The following TSPAN18 variants were observed in gnomAD, a reference collection of about 807,000 sequenced individuals.
The protein encoded by TSPAN18 is tetraspanin 18, also known as tetraspanin-18.
A neutral mutation model predicts 27.3 loss-of-function variants in TSPAN18; 14 were observed. That is an observed-to-expected ratio of 0.51 (90% CI 0.34 to 0.80). The LOEUF is 0.80. Ranked by LOEUF, TSPAN18 falls within the 30% of genes least tolerant of loss-of-function variation. The pLI is 0.01. For missense variants in TSPAN18, 268 were observed against 323.9 expected, an observed-to-expected ratio of 0.83 and a Z score of 1.32; for synonymous variants, 143 against 136.5, an observed-to-expected ratio of 1.05 and a Z score of -0.33.
At chr11:44,872,551 G>A (rs1858223832) in intron 3 of TSPAN18, among the ~76,000 whole-genome samples, 3 of 152,174 alleles carry the variant, frequency 2.0e-5, no homozygotes, top group African/African-American at 7.2e-5. Context: ...TTCCATCCTT[G>A]CTGCAAGTCT....
chr11:44,746,169 C>T (rs1215467826), intron 1 of TSPAN18, among the ~76,000 whole-genome samples: 2 of 152,164 alleles, frequency 1.3e-5, no homozygotes, highest in Non-Finnish European at 2.9e-5. Flanking sequence ...GCAGCAGCTG[C>T]CCCCCGTGGG....
intron 2 of TSPAN18, among the ~76,000 whole-genome samples, chr11:44,811,868 G>C (rs1856724486): frequency 6.6e-6 from 1 of 152,228 alleles, no homozygotes; most frequent in Admixed American, 6.5e-5. Flanking sequence ...GTGCTGACAA[G>C]TTCCTTAATG....
At chr11:44,897,437 G>A (rs969783900) in intron 3 of TSPAN18, among the ~76,000 whole-genome samples, 4 of 152,138 alleles carry the variant, frequency 2.6e-5, no homozygotes, top group African/African-American at 7.2e-5. Context: ...CTCCTCCCAG[G>A]CCATCAGCCT....
intron 2 of TSPAN18, among the ~76,000 whole-genome samples, chr11:44,798,461 G>C (rs1003699691): frequency 6.6e-6 from 1 of 152,194 alleles, no homozygotes; most frequent in Non-Finnish European, 1.5e-5. Context: ...TCACAGAAAA[G>C]CTCCAGTGCA....
chr11:44,856,179 A>C (rs561881476), intron 2 of TSPAN18, among the ~76,000 whole-genome samples: 1 of 152,194 alleles, frequency 6.6e-6, no homozygotes, highest in African/African-American at 2.4e-5. Context: ...CACCGTGCCC[A>C]GCCTTCTTGC....
chr11:44,770,030 G>A (rs1855655959), intron 2 of TSPAN18, among the ~76,000 whole-genome samples: 1 of 152,204 alleles, frequency 6.6e-6, no homozygotes, highest in Admixed American at 6.5e-5. Flanking sequence ...CCCTGAGTTG[G>A]CTTGAGGGCA....
chr11:44,842,073 C>G (rs1273295976), intron 2 of TSPAN18, among the ~76,000 whole-genome samples: 1 of 152,216 alleles, frequency 6.6e-6, no homozygotes, highest in Non-Finnish European at 1.5e-5. Flanking sequence ...CATAACACAT[C>G]AGGGCAAAAG....
chr11:44,794,978 G>A (rs1427800619), intron 2 of TSPAN18, among the ~76,000 whole-genome samples: 1 of 152,180 alleles, frequency 6.6e-6, no homozygotes, highest in African/African-American at 2.4e-5. Context: ...CAGCTTGGTT[G>A]AAGCATAAAG....
intron 3 of TSPAN18, among the ~76,000 whole-genome samples, chr11:44,863,834 T>G (rs1857961060): frequency 6.6e-6 from 1 of 152,188 alleles, no homozygotes; most frequent in African/African-American, 2.4e-5. Flanking sequence ...AAGGAAATAC[T>G]TGAATGACAG....
chr11:44,905,031 A>G (rs1859404316), intron 3 of TSPAN18, among the ~76,000 whole-genome samples: 1 of 152,168 alleles, frequency 6.6e-6, no homozygotes, highest in Non-Finnish European at 1.5e-5. Context: ...TGGATCCCCA[A>G]ACAGTGGCTA....
rs775870315 is a variant in TSPAN18 at position 44,920,050 on chromosome 11, G to A, written c.615+51G>A. 48 of 1,562,180 alleles carry A rather than the reference G, an allele frequency of 3.1e-5. No individual in the cohort carries two copies. In the South Asian group the frequency reaches 5.6e-4, roughly 18 times the overall value. The stretch of plus-strand genomic sequence containing the variant: ...GGAGTGGGTCTATCGGGATTTGGGT[G>A]GCCAGAGCTGGGTGGGAGGCGCTAT... On this transcript the variant is annotated intron_variant, in intron 8 of 9. Transcript: ENST00000520358.
At position 44,919,861 on chromosome 11, in the gene TSPAN18, A is replaced by C. The variant is rs146383863; in HGVS notation, c.477A>C (p.Ala159=). ...ACGGGCCTGAAGACTTTAAGTTTGC[A>C]TCTGTGTTTCGACTCCTGACCCTGG... ...GVNGPEDFKF[A]SVFRLLTLDS... The change falls in exon 8 of 10, where the codon GCA becomes GCC. Residue 159 remains alanine (A), a synonymous_variant. Transcript: ENST00000520358. 4.0e-4 allele frequency: 640 copies of C among 1,614,132 alleles called. No individual in the cohort carries two copies. The highest frequency in any genetic ancestry group is 9.7e-4 in the Admixed American group (58 of 60,020).
At chr11:44,864,438 C>T (rs1036703433) in intron 3 of TSPAN18, among the ~76,000 whole-genome samples, 1 of 152,150 alleles carries the variant, frequency 6.6e-6, no homozygotes, top group Admixed American at 6.6e-5. Flanking sequence ...GTGCCTGGGC[C>T]TCTGAGAGGC....
chr11:44,844,273 G>A (rs7949730), intron 2 of TSPAN18, among the ~76,000 whole-genome samples: 24,811 of 148,666 alleles, frequency 0.17, 2,595 homozygotes, highest in African/African-American at 0.3. Context: ...ACATTGGATC[G>A]TTTCCTTTTT....
Position 44,822,488 on chromosome 11 carries a change from G to T in TSPAN18, c.-152-37840G>T, listed in dbSNP as rs896585327. On this transcript the variant is annotated intron_variant, in intron 2 of 9. Coordinates refer to ENST00000520358, the MANE Select transcript of TSPAN18 (RefSeq NM_130783.5). ...ATGGAAGAAGGAAGGAGTAAAGAGG[G>T]CTCACTTATTTTCTCATCACATTCT... Among the ~76,000 whole-genome samples, 10 of 151,918 alleles carry T rather than the reference G, an allele frequency of 6.6e-5. No individual in the cohort carries two copies. In the South Asian group the frequency reaches 1.5e-3, roughly 22 times the overall value.
chr11:44,776,629 T>C (rs1855815232), intron 2 of TSPAN18, among the ~76,000 whole-genome samples: 1 of 152,200 alleles, frequency 6.6e-6, no homozygotes, highest in African/African-American at 2.4e-5. Flanking sequence ...GGTTTTACAG[T>C]CAGAACTTGC....
intron 1 of TSPAN18, among the ~76,000 whole-genome samples, chr11:44,757,346 C>T (rs1855355961): frequency 4.6e-5 from 7 of 151,952 alleles, no homozygotes; most frequent in Admixed American, 4.6e-4. Flanking sequence ...TTTGTTTACA[C>T]TTGATCTTAG....
At chr11:44,914,386 C>T (rs1303100061) in intron 5 of TSPAN18, among the ~76,000 whole-genome samples, 1 of 152,192 alleles carries the variant, frequency 6.6e-6, no homozygotes, top group Non-Finnish European at 1.5e-5. Flanking sequence ...CACTCTAAAC[C>T]TTAGATTCCT....
chr11:44,851,612 A>ACCC (rs1278720815), intron 2 of TSPAN18, among the ~76,000 whole-genome samples: 2,238 of 109,562 alleles, frequency 0.02, 115 homozygotes, highest in South Asian at 0.036. Context: ...TACTCTTGTC[A>ACCC]CCTCCCCCCC....
Sources: allele counts gnomAD v4.1 joint callset (sites outside exome capture counted in the v4.1 genomes callset), GRCh38; gene constraint gnomAD v4.1.1; transcripts MANE v1.5; gene names NCBI Gene and HGNC (gene_info 2026-07-23, HGNC 2026-07-21).